The following SOX6 variants were observed in gnomAD, a reference collection of about 807,000 sequenced individuals.
SOX6 encodes the protein SRY-box transcription factor 6.
Under a neutral mutation model 97.8 loss-of-function variants are expected in SOX6, and 11 were observed. The observed-to-expected ratio is 0.11, with a 90% CI of 0.07 to 0.19. The LOEUF (loss-of-function observed/expected upper bound fraction) is 0.19, where lower values mean the gene tolerates loss of function less well. Among genes scored for constraint, SOX6 ranks in the 10% least tolerant of loss-of-function variants. The pLI is 1.00. For missense variants in SOX6, 810 were observed against 1,039.5 expected (o/e 0.78, Z 3.04); for synonymous variants, 360 against 371.4 (o/e 0.97, Z 0.35).
At chr11:16,114,020 G>A (rs1849286751) in intron 6 of SOX6, among the ~76,000 whole-genome samples, 1 of 152,174 alleles carries the variant, frequency 6.6e-6, no homozygotes, top group African/African-American at 2.4e-5. Flanking sequence ...TGAGTAAAGA[G>A]ATGGTATATA....
chr11:16,348,833 GT>G (rs1343885930), intron 1 of SOX6, among the ~76,000 whole-genome samples: 1 of 152,052 alleles, frequency 6.6e-6, no homozygotes, highest in Non-Finnish European at 1.5e-5. Context: ...GTTACGCTTC[GT>G]TTTCGTCTTC....
chr11:16,490,874 C>T (rs1447629290), intron 4 of SOX6, among the ~76,000 whole-genome samples: 3 of 151,978 alleles, frequency 2.0e-5, no homozygotes, highest in African/African-American at 7.2e-5. Flanking sequence ...TATAATGGTA[C>T]ACCCAACAAC....
At chr11:16,689,094 G>C (rs1847992196) in intron 3 of SOX6, among the ~76,000 whole-genome samples, 1 of 152,072 alleles carries the variant, frequency 6.6e-6, no homozygotes, top group Non-Finnish European at 1.5e-5. Flanking sequence ...AACTAAACCT[G>C]TTTTGTCATT....
rs66968164 is a variant in SOX6, at chr11:16,063,496, TTATATATATATATATATATATATATA to T, written c.1102-7621_1102-7596del. On this transcript the variant is annotated intron_variant, in intron 9 of 15. Coordinates refer to ENST00000683767, the MANE Select transcript of SOX6 (RefSeq NM_001367873.1). Reference sequence around the variant, plus strand: ...CGATGTAACTATATTTACCATAATTTTATATATATATATATATATATATATATATATATATATATATATATATATAT... The same window carrying T: ...CGATGTAACTATATTTACCATAATTTTATATATATATATATATATATATAT... 6.3e-3 allele frequency among the ~76,000 whole-genome samples: 225 copies of T among 35,680 alleles called. 10 individuals are homozygous for T. Among genetic ancestry groups the T allele is most frequent in the South Asian group, 0.015 (18 of 1,194 alleles). 23.4% of individuals were successfully genotyped at this position (35,680 alleles called of 152,430 possible). A position where few individuals can be genotyped will look rare whatever the true frequency, so the allele number is the denominator to read the frequency against.
intron 3 of SOX6, among the ~76,000 whole-genome samples, chr11:16,678,956 A>G (rs1847905297): frequency 6.6e-6 from 1 of 152,214 alleles, no homozygotes; most frequent in Non-Finnish European, 1.5e-5. Context: ...CAAAGCAGCC[A>G]GGAAGCTCGA....
intron 1 of SOX6, among the ~76,000 whole-genome samples, chr11:16,348,809 T>C (rs1249546664): frequency 6.6e-6 from 1 of 152,210 alleles, no homozygotes; most frequent in Admixed American, 6.5e-5. Context: ...GTCTTAATTT[T>C]TCTTTAACAG....
At chr11:16,059,556 T>C (rs1448184807) in intron 9 of SOX6, among the ~76,000 whole-genome samples, 1 of 152,042 alleles carries the variant, frequency 6.6e-6, no homozygotes, top group Non-Finnish European at 1.5e-5. Context: ...TGTAATTAAA[T>C]GAAAGCTTAA....
rs575049929 is a variant in SOX6 at position 16,721,096 on chromosome 11, A to G, written n.354-6191T>C. 9.8e-5 allele frequency among the ~76,000 whole-genome samples: 15 copies of G among 152,290 alleles called. 1 individual carries two copies. The South Asian group carries it at 3.1e-3, about 32-fold the overall frequency. ...GAATGGGCCTGAGGCCCAACTTAGG[A>G]CAATCTCTCCTAAGACAGAGAAAGT... On this transcript the variant is annotated intron_variant and non_coding_transcript_variant, in intron 2 of 5. Transcript: ENST00000524520.
At chr11:16,508,029 T>C (rs931116262) in intron 4 of SOX6, among the ~76,000 whole-genome samples, 5 of 150,950 alleles carry the variant, frequency 3.3e-5, no homozygotes, top group African/African-American at 1.2e-4. Flanking sequence ...CTAAAACAAC[T>C]CAACTATTAA....
chr11:16,648,261 G>A (rs1849042613), intron 3 of SOX6, among the ~76,000 whole-genome samples: 1 of 152,072 alleles, frequency 6.6e-6, no homozygotes, highest in Non-Finnish European at 1.5e-5. Flanking sequence ...CCTGGACACA[G>A]CAAAGGCAGC....
At chr11:16,106,433 CAT>C (rs1372210652) in intron 7 of SOX6, among the ~76,000 whole-genome samples, 12 of 151,786 alleles carry the variant, frequency 7.9e-5, no homozygotes. Flanking sequence ...AAAACCTTTA[CAT>C]ATATAGTTGA....
intron 6 of SOX6, among the ~76,000 whole-genome samples, chr11:16,163,153 C>A (rs973761194): frequency 1.3e-5 from 2 of 152,052 alleles, no homozygotes; most frequent in Non-Finnish European, 2.9e-5. Flanking sequence ...AAGAAAATAT[C>A]TCATACAGAG....
intron 3 of SOX6, among the ~76,000 whole-genome samples, chr11:16,618,097 T>C (rs1215916036): frequency 6.6e-6 from 1 of 151,960 alleles, no homozygotes; most frequent in Non-Finnish European, 1.5e-5. Context: ...GTGAGAGATA[T>C]TCTGTTGACA....
chr11:16,434,170 T>A (rs561977000), intron 1 of SOX6: 1 of 152,068 alleles, frequency 6.6e-6, no homozygotes, highest in Admixed American at 6.6e-5. Flanking sequence ...TAAAATGAAG[T>A]CAACTCTGCT....
intron 4 of SOX6, among the ~76,000 whole-genome samples, chr11:16,546,906 C>CAAAACCA (rs1202187037): frequency 6.6e-6 from 1 of 151,900 alleles, no homozygotes; most frequent in Non-Finnish European, 1.5e-5. Flanking sequence ...AATTCAACTG[C>CAAAACCA]AAAACCAAAA....
chr11:16,335,064 T>G (rs1318086439), intron 2 of SOX6, among the ~76,000 whole-genome samples: 2 of 152,170 alleles, frequency 1.3e-5, no homozygotes, highest in Non-Finnish European at 2.9e-5. Context: ...CCAGATTCCA[T>G]GCAATAAAAT....
In SOX6 at chr11:16,076,588, T is replaced by C. The variant is rs1848357979; in HGVS notation, c.1101+19408A>G. On this transcript the variant is annotated intron_variant, in intron 9 of 15. Coordinates refer to ENST00000683767, the MANE Select transcript of SOX6 (RefSeq NM_001367873.1). ...GAGTAATCTATGAAGAAAAAAGTTT[T>C]AATTGGCTCATGGTTCTGCAGGCTG... 2.6e-5 allele frequency among the ~76,000 whole-genome samples: 4 copies of C among 152,184 alleles called. No homozygotes were observed. In the South Asian group the frequency reaches 8.3e-4, roughly 32 times the overall value.
intron 4 of SOX6, among the ~76,000 whole-genome samples, chr11:16,537,732 G>A (rs114213037): frequency 0.11 from 16,013 of 152,164 alleles, 910 homozygotes; most frequent in Non-Finnish European, 0.14. Context: ...ATCAGTGATT[G>A]CAGATCAAAT....
chr11:16,027,498 C>T (rs1468978029), intron 12 of SOX6, among the ~76,000 whole-genome samples: 2 of 152,134 alleles, frequency 1.3e-5, no homozygotes, highest in Non-Finnish European at 2.9e-5. Flanking sequence ...AAACACGGGA[C>T]AAGAGCCTGC....
Sources: allele counts gnomAD v4.1 joint callset (sites outside exome capture counted in the v4.1 genomes callset), GRCh38; gene constraint gnomAD v4.1.1; transcripts MANE v1.5; gene names NCBI Gene and HGNC (gene_info 2026-07-23, HGNC 2026-07-21).